The following OR2T11 variants were observed in gnomAD, a reference collection of about 807,000 sequenced individuals.
OR2T11 encodes the protein olfactory receptor 2T11.
Under a neutral mutation model 13.5 loss-of-function variants are expected in OR2T11, and 14 were observed. The ratio of observed to expected loss-of-function variants is 1.04; its 90% confidence interval spans 0.69 to 1.62. OR2T11 has a LOEUF of 1.62. Among genes scored for constraint, OR2T11 ranks in the 40% most tolerant of loss-of-function variants. The probability of loss-of-function intolerance (pLI) is 0.00; values close to 1 mark genes in which losing one functional copy is unlikely to be tolerated. For missense variants in OR2T11, 410 were observed against 389.7 expected, an observed-to-expected ratio of 1.05 and a Z score of -0.44; for synonymous variants, 163 against 154.6, an observed-to-expected ratio of 1.05 and a Z score of -0.40.
Position 248,625,575 on chromosome 1 carries a change from C to T in OR2T11, c.*603G>A, listed in dbSNP as rs1351502301. On this transcript the variant is annotated 3_prime_UTR_variant, in exon 2 of 2. Coordinates refer to ENST00000641193, the MANE Select transcript of OR2T11 (RefSeq NM_001001964.2). Reference sequence around the variant, plus strand: ...GAGTAGCTGTGTCATGCTGAACCTCCACCCATTCATACTCAGTTCTGTTCA... The same window carrying T: ...GAGTAGCTGTGTCATGCTGAACCTCTACCCATTCATACTCAGTTCTGTTCA... 2 of 144,206 alleles carry T rather than the reference C, an allele frequency of 1.4e-5. No individual in the cohort carries two copies. The highest frequency in any genetic ancestry group is 3.0e-5 in the Non-Finnish European group (2 of 66,690). The allele number at this position is 144,206 out of a possible 1,614,324, so 8.9% of individuals were successfully genotyped here. A position where few individuals can be genotyped will look rare whatever the true frequency, so the allele number is the denominator to read the frequency against.
intron 1 of OR2T11, among the ~76,000 whole-genome samples, chr1:248,633,223 A>G (rs28690012): frequency 0.93 from 118,920 of 127,302 alleles, 57,280 homozygotes; most frequent in East Asian, 1. Flanking sequence ...TAAATAATTT[A>G]GGTTTTAGTA....
chr1:248,627,641 T>TG lies in OR2T11; in HGVS notation c.-144-370dup, dbSNP rs1057247056. Among the ~76,000 whole-genome samples, 6 of 143,664 alleles carry TG rather than the reference T, an allele frequency of 4.2e-5. 1 individual carries two copies. Among genetic ancestry groups the TG allele is most frequent in the Non-Finnish European group, 9.0e-5 (6 of 66,332 alleles). The allele number at this position is 143,664 out of a possible 152,430, so 94.2% of individuals were successfully genotyped here. On this transcript the variant is annotated intron_variant, in intron 1 of 1. Coordinates refer to ENST00000641193, the MANE Select transcript of OR2T11 (RefSeq NM_001001964.2). ...TTTTATTCACGAAGCCCCATGTTTC[T>TG]GTTCTATTTCTTTTTAATTATTTGT...
Position 248,626,935 on chromosome 1 carries a change from A to T in OR2T11, c.194T>A (p.Ile65Asn), listed in dbSNP as rs1438768573. The stretch of plus-strand genomic sequence containing the variant: ...GGTACAGATGAAAAGGGTGTCCATG[A>T]TGGACAGCTGACTGAGCAGAAAGTA... ...PMYFLLSQLSIMDTLFICTTV... is the reference protein window; with the variant it reads ...PMYFLLSQLSNMDTLFICTTV... Residue 65 changes from isoleucine to asparagine, a missense_variant, in exon 2 of 2, where the codon ATC (isoleucine) becomes AAC (asparagine). Coordinates refer to ENST00000641193, the MANE Select transcript of OR2T11 (RefSeq NM_001001964.2). 1.9e-6 allele frequency: 3 copies of T among 1,571,922 alleles called. No individual in the cohort carries two copies.
rs143239972 is a variant in OR2T11, at chr1:248,625,107, T to C, written c.*1071A>G. ...CTGCTACCGACAAGTTTTCCAAATA[T>C]CAATATTCCATTTTTTTATTCACTT... is the stretch of plus-strand genomic sequence containing the variant. On this transcript the variant is annotated 3_prime_UTR_variant, in exon 2 of 2. Transcript: ENST00000641193. 143 of 143,744 alleles carry C rather than the reference T, an allele frequency of 9.9e-4. 8 individuals are homozygous for C. Among genetic ancestry groups the C allele is most frequent in the African/African-American group, 3.8e-3 (140 of 36,646 alleles). 8.9% of individuals were successfully genotyped at this position (143,744 alleles called of 1,614,324 possible). A position where few individuals can be genotyped will look rare whatever the true frequency, so the allele number is the denominator to read the frequency against.
chr1:248,632,261 C>T lies in OR2T11; in HGVS notation c.-145+2777G>A, dbSNP rs1660624651. Among the ~76,000 whole-genome samples the T allele has an allele frequency of 1.4e-5, 2 of 143,364 alleles. 1 individual carries two copies. 94.1% of individuals were successfully genotyped at this position (143,364 alleles called of 152,430 possible). ...GTGATCCTATCAATGATTTATGAAA[C>T]AATGAGTTAAATTATGATAATTTTT... On this transcript the variant is annotated intron_variant, in intron 1 of 1. Coordinates refer to ENST00000641193, the MANE Select transcript of OR2T11 (RefSeq NM_001001964.2).
At chr1:248,628,938 AAC>A (rs1660565062) in intron 1 of OR2T11, among the ~76,000 whole-genome samples, 1 of 143,254 alleles carries the variant, frequency 7.0e-6, no homozygotes, top group Non-Finnish European at 1.5e-5. Context: ...AAGGATAGTG[AAC>A]ACAAATATTG....
intron 1 of OR2T11, among the ~76,000 whole-genome samples, chr1:248,631,954 T>G (rs1336231998): frequency 7.0e-6 from 1 of 143,160 alleles, no homozygotes; most frequent in African/African-American, 2.8e-5. Context: ...GGATCTGAGA[T>G]TTGAAGATCT....
chr1:248,631,347 G>C (rs748979793), intron 1 of OR2T11, among the ~76,000 whole-genome samples: 1 of 143,676 alleles, frequency 7.0e-6, no homozygotes, highest in Non-Finnish European at 1.5e-5. Context: ...GTTTCCACGT[G>C]CTCTTCACAG....
chr1:248,626,661 G>A lies in OR2T11; in HGVS notation c.468C>T (p.Leu156=), dbSNP rs148281208. Residue 156 remains leucine (L), a synonymous_variant, in exon 2 of 2, where the codon CTC becomes CTT. Transcript: ENST00000641193. ...WFGGSLDGFL[L]TPITMNVPYC... is the part of the protein sequence containing the mutation. Reference sequence around the variant, plus strand: ...AAGGGACATTCATGGTGATGGGAGTGAGCAGAAAGCCATCGAGGGAGCCCC... The same window carrying A: ...AAGGGACATTCATGGTGATGGGAGTAAGCAGAAAGCCATCGAGGGAGCCCC... 152 of 1,572,360 alleles carry A rather than the reference G, an allele frequency of 9.7e-5. 14 individuals are homozygous for A. Among genetic ancestry groups the A allele is most frequent in the Admixed American group, 1.2e-4 (7 of 58,358 alleles).
chr1:248,626,446 G>A lies in OR2T11; in HGVS notation c.683C>T (p.Ala228Val). 6.4e-7 allele frequency: 1 copy of A among 1,572,510 alleles called. No homozygotes were observed. The highest frequency in any genetic ancestry group is 1.1e-5 in the South Asian group (1 of 88,922). ...ILLTIHRMPS[A>V]EGRKKAFTTC... ...GGTGAAGGCCTTTTTGCGACCTTCA[G>A]CAGAGGGCATGCGGTGGATGGTTAA... is the stretch of plus-strand genomic sequence containing the variant. Residue 228 changes from alanine (A) to valine (V), a missense_variant, in exon 2 of 2, where the codon GCT becomes GTT. By Grantham distance (64) the Ala-to-Val change is moderately conservative. Transcript: ENST00000641193.
Position 248,626,569 on chromosome 1 carries a change from G to T in OR2T11, c.560C>A (p.Ala187Glu), listed in dbSNP as rs1558172034. Residue 187 changes from alanine to glutamate, a missense_variant, in exon 2 of 2, where the codon GCA becomes GAA. Transcript: ENST00000641193. Reference sequence around the variant, plus strand: ...CAGAGTTTCATACAAGGACGTGTCTGCACAGGCCAGTTTCAGAACTGCTGG... The same window carrying T: ...CAGAGTTTCATACAAGGACGTGTCTTCACAGGCCAGTTTCAGAACTGCTGG... Reference protein sequence around the residue: ...EIPAVLKLACADTSLYETLMY... With the variant: ...EIPAVLKLACEDTSLYETLMY... The T allele has an allele frequency of 6.4e-7, 1 of 1,572,140 alleles. No individual in the cohort carries two copies. The highest frequency in any genetic ancestry group is 2.3e-5 in the East Asian group (1 of 43,654).
chr1:248,628,419 T>C (rs1660553429), intron 1 of OR2T11, among the ~76,000 whole-genome samples: 1 of 140,116 alleles, frequency 7.1e-6, no homozygotes, highest in Admixed American at 7.0e-5. Context: ...GGAGCCCGGA[T>C]GCTGCAGGGT....
chr1:248,626,980 G>C lies in OR2T11; in HGVS notation c.149C>G (p.Ser50Cys), dbSNP rs761596124. The C allele has an allele frequency of 1.0e-4, 158 of 1,571,242 alleles. 24 individuals carry two copies. In the South Asian group the frequency reaches 1.7e-3, roughly 17 times the overall value. Residue 50 changes from serine to cysteine, a missense_variant, in exon 2 of 2, where the codon TCT (serine) becomes TGT (cysteine). Physicochemically the swap from Ser to Cys is moderately radical, Grantham distance 112 (BLOSUM62 -1). Transcript: ENST00000641193. ...LVMIFLIQVD[S>C]RLHTPMYFLL... ...AAAGTACATGGGGGTGTGGAGGCGAGAGTCCACCTGAATCAAGAATATCAT... is the reference window on the plus strand; with the variant it reads ...AAAGTACATGGGGGTGTGGAGGCGACAGTCCACCTGAATCAAGAATATCAT...
At chr1:248,634,228 T>C (rs1315759293) in intron 1 of OR2T11, among the ~76,000 whole-genome samples, 2 of 71,290 alleles carry the variant, frequency 2.8e-5, no homozygotes, top group Admixed American at 3.3e-4. Flanking sequence ...TTTTAAGTGC[T>C]TGCGATGCCT....
intron 1 of OR2T11, among the ~76,000 whole-genome samples, chr1:248,633,409 A>G (rs1309194985): frequency 7.0e-6 from 1 of 143,464 alleles, no homozygotes; most frequent in Non-Finnish European, 1.5e-5. Flanking sequence ...CATACACAGC[A>G]TGTATTATAA....
Position 248,626,571 on chromosome 1 carries a change from ACAGGC to A in OR2T11, c.553_557del (p.Ala185CysfsTer7). ...GAGTTTCATACAAGGACGTGTCTGC[ACAGGC>A]CAGTTTCAGAACTGCTGGGATCTCA... is the stretch of plus-strand genomic sequence containing the variant. On this transcript the variant is annotated frameshift_variant, in exon 2 of 2. Coordinates refer to ENST00000641193, the MANE Select transcript of OR2T11 (RefSeq NM_001001964.2). LOFTEE classifies it high-confidence loss of function. 1 of 1,572,844 alleles carries A rather than the reference ACAGGC, an allele frequency of 6.4e-7. No individual in the cohort carries two copies. Among genetic ancestry groups the A allele is most frequent in the South Asian group, 1.1e-5 (1 of 88,920 alleles).
rs995222930 is a variant in OR2T11, at chr1:248,625,109, A to G, written c.*1069T>C. 1 of 143,564 alleles carries G rather than the reference A, an allele frequency of 7.0e-6. No homozygotes were observed. The highest frequency in any genetic ancestry group is 1.5e-5 in the Non-Finnish European group (1 of 66,298). 8.9% of individuals were successfully genotyped at this position (143,564 alleles called of 1,614,324 possible). A position where few individuals can be genotyped will look rare whatever the true frequency, so the allele number is the denominator to read the frequency against. ...GCTACCGACAAGTTTTCCAAATATCAATATTCCATTTTTTTATTCACTTGG... is the reference window on the plus strand; with the variant it reads ...GCTACCGACAAGTTTTCCAAATATCGATATTCCATTTTTTTATTCACTTGG... On this transcript the variant is annotated 3_prime_UTR_variant, in exon 2 of 2. Transcript: ENST00000641193.
intron 1 of OR2T11, among the ~76,000 whole-genome samples, chr1:248,628,784 T>C (rs1660558635): frequency 7.0e-6 from 1 of 142,720 alleles, no homozygotes; most frequent in Admixed American, 6.8e-5. Flanking sequence ...CTCTGATTGA[T>C]ATATTCATAT....
At chr1:248,628,755 T>G (rs1660558309) in intron 1 of OR2T11, among the ~76,000 whole-genome samples, 1 of 142,368 alleles carries the variant, frequency 7.0e-6, no homozygotes, top group Non-Finnish European at 1.5e-5. Context: ...AAAATTAAAT[T>G]GGCTTACTCC....
Sources: gnomAD v4.1 joint callset for allele counts (sites outside exome capture counted in the v4.1 genomes callset) on GRCh38, gnomAD v4.1.1 for gene constraint, MANE v1.5 for transcripts, NCBI Gene and HGNC (gene_info 2026-07-23, HGNC 2026-07-21) for gene names.